Variants in GLIS3 observed in about 807,000 individuals in gnomAD.
The protein encoded by GLIS3 is zinc finger protein GLIS3.
GLIS3 carries 53 observed loss-of-function variants against 78.6 expected under a neutral mutation model. The observed-to-expected ratio is 0.67, with a 90% CI of 0.54 to 0.85. GLIS3 has a LOEUF of 0.85. GLIS3 is among the 40% of genes least tolerant of loss of function. GLIS3 has a pLI of 0.00. For synonymous variants in GLIS3, 684 were observed against 509.9 expected (o/e 1.34, Z -4.60); for missense variants, 1,703 against 1,231.1 (o/e 1.38, Z -5.74).
At chr9:4,243,276 C>T (rs1007147752) in intron 2 of GLIS3, among the ~76,000 whole-genome samples, 2 of 152,072 alleles carry the variant, frequency 1.3e-5, no homozygotes, top group South Asian at 2.1e-4. Context: ...GAGGAAGTGG[C>T]CAGAAAGGAT....
intron 6 of GLIS3, among the ~76,000 whole-genome samples, chr9:3,927,878 G>T (rs940881768): frequency 6.6e-6 from 1 of 152,234 alleles, no homozygotes; most frequent in African/African-American, 2.4e-5. Flanking sequence ...TTAAATTTAA[G>T]ATGGCTTATT....
intron 8 of GLIS3, among the ~76,000 whole-genome samples, chr9:3,865,928 T>C (rs1156404617): frequency 1.3e-5 from 2 of 152,170 alleles, no homozygotes; most frequent in African/African-American, 2.4e-5. Context: ...AAATCTGATA[T>C]AACAAACACT....
intron 6 of GLIS3, among the ~76,000 whole-genome samples, chr9:3,913,269 T>C (rs1824270671): frequency 6.6e-6 from 1 of 152,212 alleles, no homozygotes; most frequent in African/African-American, 2.4e-5. Flanking sequence ...TAAAAATACC[T>C]ACTTCTAAAA....
At chr9:3,989,791 G>A (rs1012953156) in intron 4 of GLIS3, among the ~76,000 whole-genome samples, 1 of 152,144 alleles carries the variant, frequency 6.6e-6, no homozygotes, top group Non-Finnish European at 1.5e-5. Context: ...TAGTGGTGCT[G>A]GAAATGCTTA....
intron 4 of GLIS3, among the ~76,000 whole-genome samples, chr9:4,011,089 G>T (rs1175057050): frequency 6.6e-6 from 1 of 152,180 alleles, no homozygotes; most frequent in Non-Finnish European, 1.5e-5. Flanking sequence ...CCCCATACTT[G>T]TAGAATCCTG....
chr9:4,216,503 GAAAAGA>G (rs1267503718), intron 2 of GLIS3, among the ~76,000 whole-genome samples: 3 of 140,358 alleles, frequency 2.1e-5, no homozygotes, highest in African/African-American at 5.3e-5. Context: ...GAAAAGAAAA[GAAAAGA>G]AAAAGAAAAA....
chr9:4,329,084 A>G (rs1043250270), intron 2 of GLIS3, among the ~76,000 whole-genome samples: 3 of 152,216 alleles, frequency 2.0e-5, no homozygotes, highest in Non-Finnish European at 4.4e-5. Flanking sequence ...ACTTAGAGAA[A>G]TAGCCTAGAC....
rs796825355 is a variant in GLIS3 at position 4,066,039 on chromosome 9, T to TTAA, written c.1710+51728_1710+51729insTTA. The stretch of plus-strand genomic sequence containing the variant: ...TCTCATTAAAATGACCCAAAGAATA[T>TTAA]AAAAAAAAAAAAAAAGAAACAGGCG... On this transcript the variant is annotated intron_variant, in intron 4 of 10. Coordinates refer to ENST00000381971, the MANE Select transcript of GLIS3 (RefSeq NM_001042413.2). Among the ~76,000 whole-genome samples the TTAA allele has an allele frequency of 6.6e-3, 882 of 133,336 alleles. 15 individuals carry two copies. The highest frequency in any genetic ancestry group is 0.011 in the Non-Finnish European group (690 of 62,230). 87.5% of individuals were successfully genotyped at this position (133,336 alleles called of 152,430 possible).
intron 2 of GLIS3, among the ~76,000 whole-genome samples, chr9:4,252,884 G>A (rs1587158230): frequency 6.6e-6 from 1 of 152,156 alleles, no homozygotes; most frequent in Non-Finnish European, 1.5e-5. Flanking sequence ...CTGCAGGTCT[G>A]CTGGAGTTTG....
At chr9:3,847,233 G>T (rs951813718) in intron 9 of GLIS3, among the ~76,000 whole-genome samples, 1 of 151,972 alleles carries the variant, frequency 6.6e-6, no homozygotes, top group Non-Finnish European at 1.5e-5. Flanking sequence ...ATAAAATAAA[G>T]AGGGGGCAGA....
chr9:3,916,925 A>T (rs1476178978), intron 6 of GLIS3, among the ~76,000 whole-genome samples: 1 of 152,242 alleles, frequency 6.6e-6, no homozygotes, highest in East Asian at 1.9e-4. Context: ...GAACTAAAAG[A>T]CAGCACAGGG....
chr9:3,870,458 G>T (rs555326491), intron 8 of GLIS3, among the ~76,000 whole-genome samples: 9 of 152,076 alleles, frequency 5.9e-5, no homozygotes, highest in Non-Finnish European at 1.0e-4. Flanking sequence ...TGTTAAAGAC[G>T]TACCTGAGAC....
At chr9:3,857,072 T>C (rs1213428660) in intron 8 of GLIS3, among the ~76,000 whole-genome samples, 2 of 152,210 alleles carry the variant, frequency 1.3e-5, no homozygotes, top group Non-Finnish European at 2.9e-5. Flanking sequence ...AGTTTGGCAA[T>C]GTCTATCAAA....
At chr9:4,389,731 G>T in the GLIS3 span, among the ~76,000 whole-genome samples, 2 of 152,172 alleles carry the variant, frequency 1.3e-5, no homozygotes, top group East Asian at 3.8e-4. Flanking sequence ...AGACGGCACC[G>T]CATACAGACA....
chr9:4,479,075 C>G, the GLIS3 span, among the ~76,000 whole-genome samples: 1 of 152,170 alleles, frequency 6.6e-6, no homozygotes, highest in South Asian at 2.1e-4. Context: ...ATATATTTTT[C>G]AATGTTCCTG....
chr9:3,910,808 A>G (rs1473083512), intron 6 of GLIS3, among the ~76,000 whole-genome samples: 7 of 152,252 alleles, frequency 4.6e-5, no homozygotes, highest in African/African-American at 1.7e-4. Context: ...ACTAAATCAG[A>G]TAAGACAGAG....
intron 2 of GLIS3, among the ~76,000 whole-genome samples, chr9:4,336,994 T>A (rs1326809596): frequency 1.3e-5 from 2 of 152,186 alleles, no homozygotes; most frequent in Non-Finnish European, 2.9e-5. Context: ...CTAATAAATA[T>A]TTAAAAATCT....
At chr9:3,980,903 T>A (rs1183546822) in intron 4 of GLIS3, among the ~76,000 whole-genome samples, 2 of 152,198 alleles carry the variant, frequency 1.3e-5, no homozygotes, top group African/African-American at 4.8e-5. Flanking sequence ...TAGTGACACT[T>A]GGCATTTCAA....
At chr9:4,200,268 C>G (rs948967183) in intron 2 of GLIS3, among the ~76,000 whole-genome samples, 2 of 151,826 alleles carry the variant, frequency 1.3e-5, no homozygotes, top group Admixed American at 1.3e-4. Flanking sequence ...AACAAACTAA[C>G]TCCAGAGCTA....
Sources: gnomAD v4.1 joint callset for allele counts (sites outside exome capture counted in the v4.1 genomes callset) on GRCh38, gnomAD v4.1.1 for gene constraint, MANE v1.5 for transcripts, NCBI Gene and HGNC (gene_info 2026-07-23, HGNC 2026-07-21) for gene names.